Variants in ELP2 observed in about 807,000 individuals in gnomAD.
ELP2 encodes elongator complex protein 2.
Under a neutral mutation model 119.2 loss-of-function variants are expected in ELP2, and 90 were observed. The observed-to-expected ratio is 0.75, with a 90% confidence interval of 0.64 to 0.90. ELP2 has a LOEUF of 0.90. ELP2 is among the 40% of genes least tolerant of loss of function. The pLI is 0.00. For synonymous variants in ELP2, 339 were observed against 331.0 expected (o/e 1.02, Z -0.26); for missense variants, 921 against 967.8 (o/e 0.95, Z 0.64).
intron 2 of ELP2, among the ~76,000 whole-genome samples, chr18:36,134,540 T>C (rs1213869202): frequency 6.6e-6 from 1 of 152,234 alleles, no homozygotes; most frequent in Non-Finnish European, 1.5e-5. Flanking sequence ...CCCATTGTTA[T>C]TTTTAAGTAA....
rs1022553195 is a variant in ELP2 at position 36,177,162 on chromosome 18, G to A, written c.*2521G>A. The A allele has an allele frequency of 1.3e-5, 2 of 151,586 alleles. No homozygotes were observed. Among genetic ancestry groups the A allele is most frequent in the African/African-American group, 4.8e-5 (2 of 41,262 alleles). 9.4% of individuals were successfully genotyped at this position (151,586 alleles called of 1,614,324 possible). ...GGGTGGAGTGACGGACACATGGACA[G>A]ATATGAAGCAAGCACTGTAAAATAT... On this transcript the variant is annotated 3_prime_UTR_variant, in exon 22 of 22. Transcript: ENST00000358232.
At position 36,174,653 on chromosome 18, in the gene ELP2, A is replaced by G. The variant is rs75736987; in HGVS notation, c.*12A>G. 1.0e-4 allele frequency: 169 copies of G among 1,613,220 alleles called. No individual in the cohort carries two copies. The African/African-American group carries it at 2.1e-3, about 20-fold the overall frequency. ...AATGTGCACTGTAATGGACTTAATA[A>G]CTACATGCTTGCAGTCACTGGTATC... On this transcript the variant is annotated 3_prime_UTR_variant, in exon 22 of 22. Coordinates refer to ENST00000358232, the MANE Select transcript of ELP2 (RefSeq NM_018255.4).
rs2090072404 is a variant in ELP2, at chr18:36,142,744, T to C, written c.656-82T>C. On this transcript the variant is annotated intron_variant, in intron 7 of 21. Coordinates refer to ENST00000358232, the MANE Select transcript of ELP2 (RefSeq NM_018255.4). ...TTTTTTTCTGGAAAATCTGGAAATA[T>C]ATATATTATAGACAAAAAAGTCTTA... The C allele has an allele frequency of 6.7e-6, 6 of 891,104 alleles. No homozygotes were observed. The Admixed American group carries it at 7.3e-5, about 11-fold the overall frequency. The allele number at this position is 891,104 out of a possible 1,614,324, so 55.2% of individuals were successfully genotyped here.
chr18:36,171,084 T>A lies in ELP2; in HGVS notation c.2248T>A (p.Cys750Ser), dbSNP rs1598841954. 2 of 1,614,030 alleles carry A rather than the reference T, an allele frequency of 1.2e-6. No individual in the cohort carries two copies. The highest frequency in any genetic ancestry group is 1.7e-6 in the Non-Finnish European group (2 of 1,179,962). Residue 750 changes from cysteine to serine, a missense_variant, in exon 21 of 22, where the codon TGC (cysteine) becomes AGC (serine). Coordinates refer to ENST00000358232, the MANE Select transcript of ELP2 (RefSeq NM_018255.4). ...AGTAGGATTGGAGTGTGGAAAGATT[T>A]GCTTATATACCTGGAAAAAGACTGA... ...VAVGLECGKI[C>S]LYTWKKTDQV...
chr18:36,160,262 A>G (rs920594831), intron 16 of ELP2, among the ~76,000 whole-genome samples: 5 of 151,996 alleles, frequency 3.3e-5, no homozygotes, highest in African/African-American at 1.2e-4. Flanking sequence ...GAAGCATAAC[A>G]ATATATATTT....
intron 19 of ELP2, among the ~76,000 whole-genome samples, chr18:36,167,531 G>T (rs576642947): frequency 4.6e-5 from 7 of 152,208 alleles, no homozygotes; most frequent in African/African-American, 1.7e-4. Context: ...GGAGGGCAGC[G>T]GGAGGTAGGG....
At position 36,159,653 on chromosome 18, in the gene ELP2, C is replaced by G. The variant is rs923597897; in HGVS notation, c.1535-82C>G. The stretch of plus-strand genomic sequence containing the variant: ...CACCACTTTGAATTACCACTGCTTT[C>G]TATGTGGTGGCCTTAATATTGAGAC... On this transcript the variant is annotated intron_variant, in intron 14 of 21. Coordinates refer to ENST00000358232, the MANE Select transcript of ELP2 (RefSeq NM_018255.4). 2.6e-5 allele frequency: 26 copies of G among 1,019,538 alleles called. No individual in the cohort carries two copies. In the African/African-American group the frequency reaches 3.9e-4, roughly 15 times the overall value. The allele number at this position is 1,019,538 out of a possible 1,614,324, so 63.2% of individuals were successfully genotyped here.
At chr18:36,172,691 C>T (rs976715843) in intron 21 of ELP2, among the ~76,000 whole-genome samples, 1 of 152,164 alleles carries the variant, frequency 6.6e-6, no homozygotes, top group Non-Finnish European at 1.5e-5. Context: ...ACTTTGCCTG[C>T]CCACAGTGCT....
chr18:36,151,062 A>G (rs989212394), intron 11 of ELP2, among the ~76,000 whole-genome samples: 1 of 145,320 alleles, frequency 6.9e-6, no homozygotes, highest in Non-Finnish European at 1.5e-5. Flanking sequence ...TTTTCACTGT[A>G]GTCTCTGCCT....
chr18:36,130,169 G>A (rs72886873), intron 1 of ELP2, 98 bp downstream of exon 1: 19,920 of 1,537,244 alleles, frequency 0.013, 176 homozygotes, highest in Non-Finnish European at 0.016. Flanking sequence ...AGACCTAGGA[G>A]GCGAGTCGGG....
chr18:36,179,451 G>A lies in ELP2; in HGVS notation c.*4810G>A, dbSNP rs892395700. On this transcript the variant is annotated 3_prime_UTR_variant, in exon 22 of 22. Transcript: ENST00000358232. ...AGATCGAGCCACTGCACTCCAGCCTGGGCAACAGAGTGAGACTCCATCTCA... is the reference window on the plus strand; with the variant it reads ...AGATCGAGCCACTGCACTCCAGCCTAGGCAACAGAGTGAGACTCCATCTCA... 1 of 141,158 alleles carries A rather than the reference G, an allele frequency of 7.1e-6. No homozygotes were observed. Among genetic ancestry groups the A allele is most frequent in the Non-Finnish European group, 1.5e-5 (1 of 66,890 alleles). The allele number at this position is 141,158 out of a possible 1,614,324, so 8.7% of individuals were successfully genotyped here. A position where few individuals can be genotyped will look rare whatever the true frequency, so the allele number is the denominator to read the frequency against.
chr18:36,146,459 A>G, intron 11 of ELP2, 78 bp downstream of exon 11: 1 of 1,500,776 alleles, frequency 6.7e-7, no homozygotes. Flanking sequence ...TGCTTATAAC[A>G]CTCTACAGAA....
intron 21 of ELP2, 38 bp from the exon 22 acceptor site, chr18:36,174,447 T>G: frequency 6.2e-7 from 1 of 1,600,692 alleles, no homozygotes; most frequent in Non-Finnish European, 8.5e-7. Flanking sequence ...CACCATTAAT[T>G]GGAAAAACAT....
At position 36,179,070 on chromosome 18, in the gene ELP2, G is replaced by A. The variant is rs904545271; in HGVS notation, c.*4429G>A. 1 of 152,478 alleles carries A rather than the reference G, an allele frequency of 6.6e-6. No individual in the cohort carries two copies. Among genetic ancestry groups the A allele is most frequent in the Non-Finnish European group, 1.5e-5 (1 of 68,084 alleles). 9.4% of individuals were successfully genotyped at this position (152,478 alleles called of 1,614,324 possible). ...CTTAAACAAGAGACTGGCACTCCAAGGACAATGAGGCTGAGGCCAGAAGAG... is the reference window on the plus strand; with the variant it reads ...CTTAAACAAGAGACTGGCACTCCAAAGACAATGAGGCTGAGGCCAGAAGAG... On this transcript the variant is annotated 3_prime_UTR_variant, in exon 22 of 22. Transcript: ENST00000358232.
In ELP2 at chr18:36,136,347, A is replaced by G. The variant is rs749565006; in HGVS notation, c.258A>G (p.Gln86=). ...TAGTTTCTGGAGGATCTGATAATCA[A>G]GTGATTCACTGGGAAATAGAGGATA... The part of the protein sequence containing the change: ...TELVSGGSDN[Q]VIHWEIEDNQ... The change falls in exon 3 of 22, where the codon CAA becomes CAG. Residue 86 remains glutamine (Q), a synonymous_variant. Transcript: ENST00000358232. The G allele has an allele frequency of 1.9e-6, 3 of 1,612,290 alleles. No individual in the cohort carries two copies. The highest frequency in any genetic ancestry group is 2.5e-6 in the Non-Finnish European group (3 of 1,178,316).
intron 8 of ELP2, among the ~76,000 whole-genome samples, chr18:36,144,117 C>G (rs1415791078): frequency 6.6e-6 from 1 of 151,726 alleles, no homozygotes; most frequent in Admixed American, 6.6e-5. Context: ...TGTTACTATT[C>G]TTGGTGGTAA....
At chr18:36,167,312 C>T in intron 19 of ELP2, 90 bp downstream of exon 19, 2 of 993,902 alleles carry the variant, frequency 2.0e-6, no homozygotes, top group South Asian at 1.8e-5. Context: ...TCCTGCCTTT[C>T]TGTTACAGCT....
At chr18:36,151,082 T>C (rs1285321426) in intron 11 of ELP2, among the ~76,000 whole-genome samples, 1 of 151,370 alleles carries the variant, frequency 6.6e-6, no homozygotes, top group African/African-American at 2.4e-5. Flanking sequence ...TTCCAGCTTT[T>C]TTTTTTTTTT....
At chr18:36,142,486 G>C (rs1224219071) in intron 7 of ELP2, 139 bp downstream of exon 7, 6 of 738,776 alleles carry the variant, frequency 8.1e-6, no homozygotes, top group Non-Finnish European at 1.4e-5. Flanking sequence ...AAAGGAGGAT[G>C]CTTATCTCTT....
Sources: gnomAD v4.1 joint callset for allele counts (sites outside exome capture counted in the v4.1 genomes callset) on GRCh38, gnomAD v4.1.1 for gene constraint, MANE v1.5 for transcripts, NCBI Gene and HGNC (gene_info 2026-07-23, HGNC 2026-07-21) for gene names.